PDZRN4: variants seen among roughly 807,000 people sequenced by gnomAD.
The protein encoded by PDZRN4 is PDZ domain-containing RING finger protein 4.
In PDZRN4, 70 loss-of-function variants were observed where a neutral mutation model predicts 99.0. That is an observed-to-expected ratio of 0.71 (90% CI 0.58 to 0.86). The LOEUF (loss-of-function observed/expected upper bound fraction) is 0.86. Ranked by LOEUF, PDZRN4 falls within the 40% of genes least tolerant of loss-of-function variation. PDZRN4 has a pLI of 0.00. For missense variants in PDZRN4, 1,474 were observed against 1,331.2 expected, an observed-to-expected ratio of 1.11 and a Z score of -1.67; for synonymous variants, 551 against 501.6, an observed-to-expected ratio of 1.10 and a Z score of -1.32.
chr12:41,552,818 C>A, intron 6 of PDZRN4, 64 bp downstream of exon 6: 1 of 1,279,734 alleles, frequency 7.8e-7, no homozygotes, highest in Non-Finnish European at 1.1e-6. Flanking sequence ...CGAAATGACT[C>A]ACAATGAGAA....
intron 3 of PDZRN4, among the ~76,000 whole-genome samples, chr12:41,410,609 A>G (rs1952390555): frequency 1.3e-5 from 2 of 152,164 alleles, no homozygotes; most frequent in Admixed American, 1.3e-4. Flanking sequence ...AATCCAAAGT[A>G]TATTTTGTTG....
chr12:41,449,339 C>A (rs1002780938), intron 3 of PDZRN4, among the ~76,000 whole-genome samples: 2 of 152,170 alleles, frequency 1.3e-5, no homozygotes, highest in African/African-American at 4.8e-5. Context: ...CTTCACTGAT[C>A]TCCGAATCTC....
chr12:41,456,700 A>G (rs1433984124), intron 3 of PDZRN4, among the ~76,000 whole-genome samples: 1 of 152,242 alleles, frequency 6.6e-6, no homozygotes, highest in Non-Finnish European at 1.5e-5. Flanking sequence ...GCTTAACCAC[A>G]TAATGAATGG....
intron 6 of PDZRN4, among the ~76,000 whole-genome samples, chr12:41,555,329 C>G (rs1212817892): frequency 1.3e-5 from 2 of 151,182 alleles, no homozygotes; most frequent in African/African-American, 4.9e-5. Flanking sequence ...CCAGAGAGTC[C>G]TAGCATTACC....
At chr12:41,480,097 G>T (rs912113767) in intron 3 of PDZRN4, among the ~76,000 whole-genome samples, 1 of 152,096 alleles carries the variant, frequency 6.6e-6, no homozygotes, top group Non-Finnish European at 1.5e-5. Flanking sequence ...ATAATTAAAA[G>T]TTCATGGGCA....
intron 5 of PDZRN4, among the ~76,000 whole-genome samples, chr12:41,530,920 C>G (rs1938649194): frequency 6.6e-6 from 1 of 152,098 alleles, no homozygotes. Flanking sequence ...CTTCAGTGCC[C>G]TGCTGCTCAA....
At chr12:41,537,453 T>C (rs1565609009) in intron 5 of PDZRN4, among the ~76,000 whole-genome samples, 1 of 152,124 alleles carries the variant, frequency 6.6e-6, no homozygotes, top group Non-Finnish European at 1.5e-5. Context: ...GCATACATTT[T>C]TTGTGAGGAG....
intron 3 of PDZRN4, among the ~76,000 whole-genome samples, chr12:41,446,409 A>G (rs1565584746): frequency 6.6e-6 from 1 of 152,042 alleles, no homozygotes; most frequent in Non-Finnish European, 1.5e-5. Context: ...GAACAAAGAG[A>G]ATTTCCAAAC....
intron 3 of PDZRN4, among the ~76,000 whole-genome samples, chr12:41,303,421 C>T (rs541097041): frequency 6.6e-6 from 1 of 152,192 alleles, no homozygotes; most frequent in South Asian, 2.1e-4. Flanking sequence ...TATCTATGAA[C>T]CATATTCTAA....
intron 5 of PDZRN4, among the ~76,000 whole-genome samples, chr12:41,528,280 A>G (rs1225954620): frequency 6.6e-6 from 1 of 152,120 alleles, no homozygotes; most frequent in African/African-American, 2.4e-5. Context: ...AATACACAGG[A>G]AGGCACTTAA....
intron 3 of PDZRN4, among the ~76,000 whole-genome samples, chr12:41,264,926 T>G (rs560456040): frequency 6.6e-6 from 1 of 152,078 alleles, no homozygotes; most frequent in South Asian, 2.1e-4. Context: ...CACTAGACAC[T>G]GGGTACTCCA....
chr12:41,324,600 G>T (rs1951699165), intron 3 of PDZRN4, among the ~76,000 whole-genome samples: 1 of 152,010 alleles, frequency 6.6e-6, no homozygotes, highest in East Asian at 1.9e-4. Flanking sequence ...AATAATAAGT[G>T]ATTTAAAAGA....
intron 3 of PDZRN4, among the ~76,000 whole-genome samples, chr12:41,226,538 G>C (rs1164298936): frequency 6.6e-6 from 1 of 151,538 alleles, no homozygotes; most frequent in Non-Finnish European, 1.5e-5. Flanking sequence ...ATTCCCAAAG[G>C]GGTCCATAAT....
intron 3 of PDZRN4, among the ~76,000 whole-genome samples, chr12:41,452,966 T>C (rs535402904): frequency 6.6e-6 from 1 of 152,126 alleles, no homozygotes; most frequent in East Asian, 1.9e-4. Flanking sequence ...ATGAAGGTAG[T>C]CGGACTGGGC....
At chr12:41,511,384 A>G (rs913620291) in intron 5 of PDZRN4, among the ~76,000 whole-genome samples, 1 of 152,018 alleles carries the variant, frequency 6.6e-6, no homozygotes, top group African/African-American at 2.4e-5. Flanking sequence ...AATCCCCAGC[A>G]GAAGCCAGCA....
intron 3 of PDZRN4, among the ~76,000 whole-genome samples, chr12:41,390,696 A>G (rs946865532): frequency 5.3e-5 from 8 of 152,040 alleles, no homozygotes; most frequent in African/African-American, 4.8e-5. Context: ...CTTAAATTCC[A>G]GTGTGTTGTT....
At position 41,420,756 on chromosome 12, in the gene PDZRN4, TTCTA is replaced by T. The variant is rs558401718; in HGVS notation, c.844-85696_844-85693del. On this transcript the variant is annotated intron_variant, in intron 3 of 9. Coordinates refer to ENST00000402685, the MANE Select transcript of PDZRN4 (RefSeq NM_001164595.2). ...AGCTCAGTTCTTGACCCTTTTTTCC[TTCTA>T]TCTTTTTCTTTGAATGCCCAACTCA... Among the ~76,000 whole-genome samples the T allele has an allele frequency of 4.5e-4, 69 of 152,304 alleles. No individual in the cohort carries two copies. In the South Asian group the frequency reaches 0.014, roughly 31 times the overall value.
intron 3 of PDZRN4, among the ~76,000 whole-genome samples, chr12:41,467,367 G>T (rs1952937676): frequency 6.6e-6 from 1 of 152,166 alleles, no homozygotes; most frequent in Non-Finnish European, 1.5e-5. Flanking sequence ...CATCGTCATT[G>T]AAATTAATAC....
chr12:41,390,080 G>C, intron 3 of PDZRN4, among the ~76,000 whole-genome samples: 1 of 152,072 alleles, frequency 6.6e-6, no homozygotes. Flanking sequence ...ATCTTGGGTA[G>C]GTGCCTGAGA....
Sources: allele counts gnomAD v4.1 joint callset (sites outside exome capture counted in the v4.1 genomes callset), GRCh38; gene constraint gnomAD v4.1.1; transcripts MANE v1.5; gene names NCBI Gene and HGNC (gene_info 2026-07-23, HGNC 2026-07-21).